Variants in DCC observed in about 807,000 individuals in gnomAD.
DCC encodes the protein netrin receptor DCC.
DCC carries 58 observed loss-of-function variants against 172.5 expected under a neutral mutation model. That is an observed-to-expected ratio of 0.34 (90% CI 0.27 to 0.42). The LOEUF (loss-of-function observed/expected upper bound fraction) is 0.42. Among genes scored for constraint, DCC ranks in the 10% least tolerant of loss-of-function variants. DCC has a pLI of 1.00. For missense variants in DCC, 1,740 were observed against 1,791.0 expected (o/e 0.97, Z 0.51); for synonymous variants, 709 against 644.5 (o/e 1.10, Z -1.52).
intron 7 of DCC, among the ~76,000 whole-genome samples, chr18:53,077,779 G>T (rs1317362702): frequency 6.6e-6 from 1 of 152,150 alleles, no homozygotes; most frequent in East Asian, 1.9e-4. Flanking sequence ...TCCACACATG[G>T]AGGCTTCTCA....
At chr18:53,303,804 A>C (rs2057168328) in intron 12 of DCC, among the ~76,000 whole-genome samples, 1 of 152,184 alleles carries the variant, frequency 6.6e-6, no homozygotes, top group Non-Finnish European at 1.5e-5. Flanking sequence ...CTTAAGTGTT[A>C]ACCAGCTCAG....
intron 21 of DCC, among the ~76,000 whole-genome samples, chr18:53,433,264 G>T (rs1370989650): frequency 2.0e-5 from 3 of 152,062 alleles, no homozygotes; most frequent in Admixed American, 1.3e-4. Flanking sequence ...AATCTAAGGG[G>T]TGCTGTACCC....
intron 5 of DCC, among the ~76,000 whole-genome samples, chr18:53,002,044 C>A (rs2041573456): frequency 6.6e-6 from 1 of 152,082 alleles, no homozygotes; most frequent in Admixed American, 6.6e-5. Context: ...ACTGCAATTA[C>A]TTTATTGTTA....
At chr18:53,006,340 T>C (rs145851645) in intron 5 of DCC, among the ~76,000 whole-genome samples, 5 of 152,288 alleles carry the variant, frequency 3.3e-5, no homozygotes, top group African/African-American at 1.2e-4. Flanking sequence ...AGCATGGCAA[T>C]GCTCATCTCA....
At chr18:53,358,795 C>T (rs533626840) in intron 15 of DCC, among the ~76,000 whole-genome samples, 6 of 152,212 alleles carry the variant, frequency 3.9e-5, no homozygotes, top group South Asian at 2.1e-4. Context: ...CATGGGACTA[C>T]AGGCGTGAGC....
At chr18:52,649,390 G>A (rs954885639) in intron 1 of DCC, among the ~76,000 whole-genome samples, 5 of 133,290 alleles carry the variant, frequency 3.8e-5, no homozygotes, top group African/African-American at 1.1e-4. Flanking sequence ...AAAAAAAAAA[G>A]ATTAACTTTA....
At chr18:53,121,350 T>A (rs1300039888) in intron 7 of DCC, among the ~76,000 whole-genome samples, 2 of 151,930 alleles carry the variant, frequency 1.3e-5, no homozygotes, top group African/African-American at 4.8e-5. Context: ...ATAGTGAAAA[T>A]TATGTTAAAT....
At chr18:52,811,811 T>C (rs1317312876) in intron 2 of DCC, among the ~76,000 whole-genome samples, 1 of 152,202 alleles carries the variant, frequency 6.6e-6, no homozygotes, top group Non-Finnish European at 1.5e-5. Flanking sequence ...ATAATTGACA[T>C]CAATCACACT....
At chr18:52,770,605 T>G (rs191677003) in intron 2 of DCC, among the ~76,000 whole-genome samples, 1 of 151,584 alleles carries the variant, frequency 6.6e-6, no homozygotes, top group African/African-American at 2.4e-5. Flanking sequence ...ACCAGAGTCA[T>G]GGGCAGTGAC....
intron 2 of DCC, among the ~76,000 whole-genome samples, chr18:52,864,735 C>A (rs1402173623): frequency 6.6e-6 from 1 of 151,968 alleles, no homozygotes; most frequent in East Asian, 1.9e-4. Flanking sequence ...TCCGTGTGTC[C>A]ATGTGTTTTC....
intron 5 of DCC, among the ~76,000 whole-genome samples, chr18:52,976,187 T>G (rs1031268336): frequency 6.6e-6 from 1 of 152,122 alleles, no homozygotes; most frequent in African/African-American, 2.4e-5. Context: ...TTGCTCACAT[T>G]TTTATAGGGT....
intron 1 of DCC, among the ~76,000 whole-genome samples, chr18:52,497,282 T>A (rs866205623): frequency 0.2 from 4,549 of 22,246 alleles, 475 homozygotes; most frequent in Non-Finnish European, 0.25. Flanking sequence ...AAAAAAAAAA[T>A]ATATATATAT....
intron 1 of DCC, among the ~76,000 whole-genome samples, chr18:52,634,701 C>A (rs1476846206): frequency 1.3e-5 from 2 of 152,020 alleles, no homozygotes; most frequent in Non-Finnish European, 2.9e-5. Context: ...GTGGTAGAGA[C>A]CCATAAGACT....
At chr18:52,831,740 A>T (rs2038617626) in intron 2 of DCC, among the ~76,000 whole-genome samples, 2 of 152,128 alleles carry the variant, frequency 1.3e-5, no homozygotes, top group African/African-American at 4.8e-5. Context: ...AAGTTTCAAC[A>T]TTTAAGTGAA....
chr18:53,365,069 TC>T (rs1313134931), intron 15 of DCC, among the ~76,000 whole-genome samples: 1 of 151,314 alleles, frequency 6.6e-6, no homozygotes, highest in African/African-American at 2.4e-5. Context: ...ATACTATCCC[TC>T]CCCCCTCCTC....
chr18:52,503,994 C>T (rs1438659439), intron 1 of DCC, among the ~76,000 whole-genome samples: 22 of 152,080 alleles, frequency 1.4e-4, no homozygotes, highest in Admixed American at 1.4e-3. Context: ...AATAAAAACA[C>T]CCTCTACTCT....
rs923139447 is a variant in DCC at position 53,430,703 on chromosome 18, A to C, written c.3164-4441A>C. On this transcript the variant is annotated intron_variant, in intron 21 of 28. Transcript: ENST00000442544. ...AATTGCATAATAGTAATAACTTAAG[A>C]TTTGTACTTATTATTAAAACATTAC... is the stretch of plus-strand genomic sequence containing the variant. Among the ~76,000 whole-genome samples the C allele has an allele frequency of 4.5e-4, 69 of 152,178 alleles. 1 individual carries two copies. The highest frequency in any genetic ancestry group is 1.4e-3 in the African/African-American group (56 of 41,442).
At chr18:52,680,158 C>G (rs1014666298) in intron 1 of DCC, among the ~76,000 whole-genome samples, 6 of 152,074 alleles carry the variant, frequency 3.9e-5, no homozygotes, top group African/African-American at 1.4e-4. Flanking sequence ...TTACAGAAAG[C>G]AAGACAGCAT....
intron 1 of DCC, among the ~76,000 whole-genome samples, chr18:52,677,831 C>T (rs538031426): frequency 2.6e-5 from 4 of 152,152 alleles, no homozygotes; most frequent in Non-Finnish European, 5.9e-5. Context: ...AAAAGGCTGG[C>T]TTCTCGTTGA....
Sources: allele counts gnomAD v4.1 joint callset (sites outside exome capture counted in the v4.1 genomes callset), GRCh38; gene constraint gnomAD v4.1.1; transcripts MANE v1.5; gene names NCBI Gene and HGNC (gene_info 2026-07-23, HGNC 2026-07-21).